The following SOX13 variants were observed in gnomAD, a reference collection of about 807,000 sequenced individuals.
SOX13 encodes transcription factor SOX-13.
Under a neutral mutation model 71.8 loss-of-function variants are expected in SOX13, and 28 were observed. That is an observed-to-expected ratio of 0.39 (90% CI 0.29 to 0.53). The LOEUF (loss-of-function observed/expected upper bound fraction) is 0.53. SOX13 is among the 20% of genes least tolerant of loss of function. The pLI, the probability that SOX13 is intolerant of heterozygous loss-of-function variation, is 0.70. For missense variants in SOX13, 627 were observed against 810.3 expected, an observed-to-expected ratio of 0.77 and a Z score of 2.75; for synonymous variants, 309 against 317.8, an observed-to-expected ratio of 0.97 and a Z score of 0.29.
Position 204,101,746 on chromosome 1 carries a change from AG to A in SOX13, c.-1-11168del, listed in dbSNP as rs1376990384. 2.6e-5 allele frequency among the ~76,000 whole-genome samples: 4 copies of A among 152,146 alleles called. No homozygotes were observed. In the East Asian group the frequency reaches 7.7e-4, roughly 29 times the overall value. The stretch of plus-strand genomic sequence containing the variant: ...TTCAGACAATGAATCTGAGGTGTAA[AG>A]AGGTTAAGTCTCAAGTATTCACTGG... On this transcript the variant is annotated intron_variant, in intron 1 of 13. Transcript: ENST00000367204.
Position 204,104,837 on chromosome 1 carries a change from A to AT in SOX13, c.-1-8072dup, listed in dbSNP as rs567769186. 4.5e-4 allele frequency among the ~76,000 whole-genome samples: 69 copies of AT among 152,174 alleles called. No homozygotes were observed. The East Asian group carries it at 0.011, about 24-fold the overall frequency. On this transcript the variant is annotated intron_variant, in intron 1 of 13. Transcript: ENST00000367204. ...TCTCTATCTTTATCTTCATCTAGATATTTTTTGTAGGGTGGGGGAAGGCTG... is the reference window on the plus strand; with the variant it reads ...TCTCTATCTTTATCTTCATCTAGATATTTTTTTGTAGGGTGGGGGAAGGCTG...
At chr1:204,118,054 AAGT>A in intron 7 of SOX13, 1 of 194,178 alleles carries the variant, frequency 5.1e-6, no homozygotes, top group Non-Finnish European at 1.1e-5. Flanking sequence ...TGGGAGGCCG[AAGT>A]GGGTGGATCA....
At position 204,124,626 on chromosome 1, in the gene SOX13, G is replaced by T. The variant is rs769255150; in HGVS notation, c.1376-15G>T. On this transcript the variant is annotated splice_polypyrimidine_tract_variant and intron_variant, in intron 12 of 13. Coordinates refer to ENST00000367204, the MANE Select transcript of SOX13 (RefSeq NM_005686.3). ...AGCCCAGCACTGACTGCCTGCCCCT[G>T]GGGGGTTGGGTCAGGATCTCGCTGG... is the stretch of plus-strand genomic sequence containing the variant. The T allele has an allele frequency of 1.3e-6, 2 of 1,596,872 alleles. No individual in the cohort carries two copies. Among genetic ancestry groups the T allele is most frequent in the South Asian group, 1.1e-5 (1 of 88,114 alleles).
chr1:204,103,293 T>C (rs1656396715), intron 1 of SOX13, among the ~76,000 whole-genome samples: 2 of 152,302 alleles, frequency 1.3e-5, no homozygotes, highest in South Asian at 4.1e-4. Context: ...CTGTAAGAGG[T>C]GAAGACAGTG....
chr1:204,096,420 T>C (rs1180591814), intron 1 of SOX13, among the ~76,000 whole-genome samples: 1 of 144,980 alleles, frequency 6.9e-6, no homozygotes, highest in Non-Finnish European at 1.5e-5. Flanking sequence ...TGTATTTATT[T>C]ATTTATTTAT....
At chr1:204,120,671 G>A (rs563204237) in intron 7 of SOX13, among the ~76,000 whole-genome samples, 3 of 152,286 alleles carry the variant, frequency 2.0e-5, no homozygotes, top group South Asian at 2.1e-4. Context: ...AGGCACTAGC[G>A]CACACCTCGG....
intron 1 of SOX13, among the ~76,000 whole-genome samples, chr1:204,089,814 G>A (rs931642146): frequency 4.6e-5 from 7 of 152,176 alleles, no homozygotes; most frequent in African/African-American, 1.2e-4. Context: ...CTGGAGGTGC[G>A]TCCCTTATCT....
chr1:204,080,186 A>T (rs1478021761), intron 1 of SOX13, among the ~76,000 whole-genome samples: 2 of 152,156 alleles, frequency 1.3e-5, no homozygotes, highest in Non-Finnish European at 2.9e-5. Flanking sequence ...CTGGGAAGTC[A>T]TCAAATTTGG....
intron 1 of SOX13, among the ~76,000 whole-genome samples, chr1:204,086,329 A>C (rs1656017788): frequency 6.6e-6 from 1 of 152,056 alleles, no homozygotes; most frequent in African/African-American, 2.4e-5. Flanking sequence ...TTTGAAATGG[A>C]GTCTCGCTGT....
In SOX13 at chr1:204,091,733, C is replaced by CGTGT. The variant is rs4018610; in HGVS notation, c.-2+18043_-2+18046dup. Among the ~76,000 whole-genome samples the CGTGT allele has an allele frequency of 1.6e-3, 243 of 150,382 alleles. 2 individuals are homozygous for CGTGT. The highest frequency in any genetic ancestry group is 0.01 in the East Asian group (52 of 5,038). ...TTTTCGTTTTCTTTGTGTGCGTGTGCGTGTGTGTGTGTGTGTGTGTGTGTT... is the reference window on the plus strand; with the variant it reads ...TTTTCGTTTTCTTTGTGTGCGTGTGCGTGTGTGTGTGTGTGTGTGTGTGTGTGTT... On this transcript the variant is annotated intron_variant, in intron 1 of 13. Coordinates refer to ENST00000367204, the MANE Select transcript of SOX13 (RefSeq NM_005686.3).
At chr1:204,075,440 A>T (rs185033345) in intron 1 of SOX13, among the ~76,000 whole-genome samples, 1 of 152,370 alleles carries the variant, frequency 6.6e-6, no homozygotes, top group East Asian at 1.9e-4. Context: ...AGCGCTTCAC[A>T]AGATGCTGGG....
intron 4 of SOX13, among the ~76,000 whole-genome samples, chr1:204,115,179 T>C (rs1435268757): frequency 6.6e-6 from 1 of 152,036 alleles, no homozygotes; most frequent in African/African-American, 2.4e-5. Flanking sequence ...CTAATTTTTA[T>C]ATTTTTTTTG....
In SOX13 at chr1:204,115,014, A is replaced by ATT. The variant is rs879275694; in HGVS notation, c.418+423_418+424dup. Among the ~76,000 whole-genome samples, 11 of 142,232 alleles carry ATT rather than the reference A, an allele frequency of 7.7e-5. No homozygotes were observed. The East Asian group carries it at 1.0e-3, about 13-fold the overall frequency. The allele number at this position is 142,232 out of a possible 152,430, so 93.3% of individuals were successfully genotyped here. A position where few individuals can be genotyped will look rare whatever the true frequency, so the allele number is the denominator to read the frequency against. Reference sequence around the variant, plus strand: ...GCTGCTGCTTGGGTTCCTTAGAGTGATTTTTTTTTTTTTTTAAGATACAGT... The same window carrying ATT: ...GCTGCTGCTTGGGTTCCTTAGAGTGATTTTTTTTTTTTTTTTTAAGATACAGT... On this transcript the variant is annotated intron_variant, in intron 4 of 13. Transcript: ENST00000367204.
intron 1 of SOX13, among the ~76,000 whole-genome samples, chr1:204,089,429 C>G (rs1487524716): frequency 6.6e-6 from 1 of 152,196 alleles, no homozygotes; most frequent in African/African-American, 2.4e-5. Flanking sequence ...CCAGATTTCT[C>G]TCTGTGAAAT....
At position 204,104,505 on chromosome 1, in the gene SOX13, C is replaced by T. The variant is rs1016192089; in HGVS notation, c.-1-8410C>T. 3.9e-5 allele frequency among the ~76,000 whole-genome samples: 6 copies of T among 152,372 alleles called. No homozygotes were observed. The East Asian group carries it at 5.8e-4, about 15-fold the overall frequency. ...ACCGGGGCACTGTTCTGGGCACCCA[C>T]GCCTTGGCCTATTGTTTAGGGCAGC... On this transcript the variant is annotated intron_variant, in intron 1 of 13. Coordinates refer to ENST00000367204, the MANE Select transcript of SOX13 (RefSeq NM_005686.3).
intron 1 of SOX13, among the ~76,000 whole-genome samples, chr1:204,094,972 C>G (rs1297338690): frequency 6.6e-6 from 1 of 152,194 alleles, no homozygotes; most frequent in Non-Finnish European, 1.5e-5. Flanking sequence ...CCCAGTTCCT[C>G]TTCCTCTTCC....
intron 5 of SOX13, 54 bp from the exon 6 acceptor site, chr1:204,117,067 TG>T (rs1656709338): frequency 6.4e-7 from 1 of 1,566,764 alleles, no homozygotes; most frequent in Non-Finnish European, 8.8e-7. Flanking sequence ...CTGGGCAGAC[TG>T]GGCACCAGGG....
At chr1:204,105,824 A>G (rs1432793747) in intron 1 of SOX13, among the ~76,000 whole-genome samples, 2 of 152,182 alleles carry the variant, frequency 1.3e-5, no homozygotes, top group African/African-American at 2.4e-5. Context: ...ACGCAGGAGC[A>G]CTTCCATCCA....
chr1:204,121,844 G>T, intron 7 of SOX13, 56 bp from the exon 8 acceptor site: 1 of 1,218,206 alleles, frequency 8.2e-7, no homozygotes, highest in South Asian at 1.2e-5. Flanking sequence ...CGTCAAGCAG[G>T]GTGTCTGCTG....
Sources: gnomAD v4.1 joint callset for allele counts (sites outside exome capture counted in the v4.1 genomes callset) on GRCh38, gnomAD v4.1.1 for gene constraint, MANE v1.5 for transcripts, NCBI Gene and HGNC (gene_info 2026-07-23, HGNC 2026-07-21) for gene names.